Variants in CREB3L2 observed in about 807,000 individuals in gnomAD.
The protein encoded by CREB3L2 is cyclic AMP-responsive element-binding protein 3-like protein 2.
A neutral mutation model predicts 57.2 loss-of-function variants in CREB3L2; 23 were observed. The observed-to-expected ratio is 0.40, with a 90% CI of 0.29 to 0.57. The LOEUF is 0.57. CREB3L2 is among the 20% of genes least tolerant of loss of function. The pLI, the probability that CREB3L2 is intolerant of heterozygous loss-of-function variation, is 0.42. For missense variants in CREB3L2, 628 were observed against 634.7 expected, an observed-to-expected ratio of 0.99 and a Z score of 0.11; for synonymous variants, 268 against 265.1, an observed-to-expected ratio of 1.01 and a Z score of -0.11.
In CREB3L2 at chr7:137,929,077, T is replaced by A. The variant is rs185864225; in HGVS notation, c.103-711A>T. Among the ~76,000 whole-genome samples the A allele has an allele frequency of 6.2e-4, 94 of 152,294 alleles. 1 individual carries two copies. Among genetic ancestry groups the A allele is most frequent in the South Asian group, 1.0e-3 (5 of 4,826 alleles). ...AACATTAGAGGTGGCTTCTCTCTAG[T>A]CTCCCCATGGGCTAGACTTTGTTCC... is the stretch of plus-strand genomic sequence containing the variant. On this transcript the variant is annotated intron_variant, in intron 1 of 11. Transcript: ENST00000330387.
At chr7:137,975,890 A>C (rs1801599563) in intron 1 of CREB3L2, among the ~76,000 whole-genome samples, 1 of 152,226 alleles carries the variant, frequency 6.6e-6, no homozygotes, top group East Asian at 1.9e-4. Context: ...TGACCTTAGA[A>C]TCATTCCACC....
intron 1 of CREB3L2, among the ~76,000 whole-genome samples, chr7:137,945,114 C>T (rs1800947711): frequency 2.0e-5 from 3 of 152,116 alleles, no homozygotes; most frequent in Admixed American, 1.3e-4. Context: ...AGGCTGGTCT[C>T]CAGCTTCTGA....
intron 11 of CREB3L2, among the ~76,000 whole-genome samples, chr7:137,881,446 T>C (rs568575366): frequency 6.6e-6 from 1 of 152,320 alleles, no homozygotes; most frequent in Admixed American, 6.5e-5. Context: ...CTGAAATCTA[T>C]AACACTTCTG....
At chr7:137,969,340 C>CTTTTTTTTTTTTTTTTTTTTTTTTTTT (rs71177936) in intron 1 of CREB3L2, among the ~76,000 whole-genome samples, 1 of 77,070 alleles carries the variant, frequency 1.3e-5, no homozygotes, top group African/African-American at 5.5e-5. Flanking sequence ...TTATGATCTT[C>CTTTTTTTTTTTTTTTTTTTTTTTTTTT]TTTTTTTTTT....
chr7:137,971,167 G>A (rs1254643575), intron 1 of CREB3L2, among the ~76,000 whole-genome samples: 1 of 151,958 alleles, frequency 6.6e-6, no homozygotes, highest in East Asian at 1.9e-4. Context: ...AAAAAAAACT[G>A]GGGCCAGGCG....
chr7:137,884,648 A>C lies in CREB3L2; in HGVS notation c.1270+347T>G, dbSNP rs547362493. 2.7e-4 allele frequency: 155 copies of C among 571,374 alleles called. 4 individuals carry two copies. In the South Asian group the frequency reaches 3.2e-3, roughly 12 times the overall value. The allele number at this position is 571,374 out of a possible 1,614,324, so 35.4% of individuals were successfully genotyped here. A position where few individuals can be genotyped will look rare whatever the true frequency, so the allele number is the denominator to read the frequency against. On this transcript the variant is annotated intron_variant, in intron 10 of 11. Transcript: ENST00000330387. ...CACTCAGTGGAGGCAGAAACACAGC[A>C]GTTCTCTTAAAACGTCACAGAAAGC...
rs745352370 is a variant in CREB3L2 at position 137,876,825 on chromosome 7, G to A, written c.*3651C>T. The A allele has an allele frequency of 3.0e-5, 7 of 232,344 alleles. No individual in the cohort carries two copies. The highest frequency in any genetic ancestry group is 5.1e-5 in the Non-Finnish European group (6 of 117,482). 14.4% of individuals were successfully genotyped at this position (232,344 alleles called of 1,614,324 possible). On this transcript the variant is annotated 3_prime_UTR_variant, in exon 12 of 12. Transcript: ENST00000330387. The stretch of plus-strand genomic sequence containing the variant: ...GTGACTTGGGGCAGAGGAAGGGGAG[G>A]ATGAAGGTCTTCTAGTGCATCTCTG...
At chr7:137,993,153 C>T (rs1441468527) in intron 1 of CREB3L2, among the ~76,000 whole-genome samples, 2 of 152,192 alleles carry the variant, frequency 1.3e-5, no homozygotes, top group Non-Finnish European at 2.9e-5. Context: ...AAGGTTGGGA[C>T]ACCTTGTTCT....
intron 1 of CREB3L2, among the ~76,000 whole-genome samples, chr7:137,973,105 C>T (rs987725033): frequency 2.7e-5 from 4 of 149,378 alleles, no homozygotes; most frequent in East Asian, 2.0e-4. Flanking sequence ...CGCACCAGCA[C>T]GGCACATGTA....
Position 137,877,089 on chromosome 7 carries a change from C to T in CREB3L2, c.*3387G>A, listed in dbSNP as rs1799171395. On this transcript the variant is annotated 3_prime_UTR_variant, in exon 12 of 12. Transcript: ENST00000330387. Reference sequence around the variant, plus strand: ...AACACTTATGAAAAAATGCTGGACACTTGACTCACTGCCAGAACAAAGAAG... The same window carrying T: ...AACACTTATGAAAAAATGCTGGACATTTGACTCACTGCCAGAACAAAGAAG... 3 of 228,334 alleles carry T rather than the reference C, an allele frequency of 1.3e-5. No individual in the cohort carries two copies. The South Asian group carries it at 5.5e-4, about 42-fold the overall frequency. 14.1% of individuals were successfully genotyped at this position (228,334 alleles called of 1,614,324 possible).
At chr7:137,905,627 G>A in intron 6 of CREB3L2, 75 bp downstream of exon 6, 2 of 1,511,178 alleles carry the variant, frequency 1.3e-6, no homozygotes, top group Middle Eastern at 1.7e-4. Context: ...CTGGCCGTTG[G>A]GAAGGCAGGG....
chr7:137,962,274 G>A (rs1247697425), intron 1 of CREB3L2, among the ~76,000 whole-genome samples: 2 of 152,094 alleles, frequency 1.3e-5, no homozygotes, highest in Non-Finnish European at 2.9e-5. Context: ...AGATGGCCAT[G>A]GCTCTGACTT....
chr7:137,995,333 C>CTTTCTTTTTTT (rs774300936), intron 1 of CREB3L2, among the ~76,000 whole-genome samples: 5 of 87,430 alleles, frequency 5.7e-5, no homozygotes, highest in African/African-American at 9.4e-5. Context: ...TCTTTTCTTT[C>CTTTCTTTTTTT]TTTTTTTTTT....
At chr7:137,945,066 T>C (rs1585648295) in intron 1 of CREB3L2, among the ~76,000 whole-genome samples, 1 of 151,886 alleles carries the variant, frequency 6.6e-6, no homozygotes, top group African/African-American at 2.4e-5. Context: ...CTAATTTTTG[T>C]ATTTTTAGTA....
At chr7:137,896,277 G>C (rs1195197778) in intron 8 of CREB3L2, among the ~76,000 whole-genome samples, 1 of 152,176 alleles carries the variant, frequency 6.6e-6, no homozygotes, top group African/African-American at 2.4e-5. Flanking sequence ...TCCCTCTCAA[G>C]CCAAAATACA....
At chr7:137,956,601 C>T in intron 1 of CREB3L2, 4 of 1,289,062 alleles carry the variant, frequency 3.1e-6, no homozygotes, top group Non-Finnish European at 4.0e-6. Context: ...CAATCCTTCA[C>T]ACGGACAGCC....
chr7:137,891,110 T>C (rs1394471333), intron 8 of CREB3L2, among the ~76,000 whole-genome samples: 1 of 152,208 alleles, frequency 6.6e-6, no homozygotes, highest in Non-Finnish European at 1.5e-5. Flanking sequence ...TAAATTGGAG[T>C]GTCCAACACT....
chr7:137,994,161 A>T (rs571206084), intron 1 of CREB3L2, among the ~76,000 whole-genome samples: 1 of 152,304 alleles, frequency 6.6e-6, no homozygotes, highest in African/African-American at 2.4e-5. Flanking sequence ...GACAATTCAG[A>T]TGCCCTGCAA....
intron 1 of CREB3L2, among the ~76,000 whole-genome samples, chr7:137,930,603 C>G (rs1338680204): frequency 6.6e-6 from 1 of 152,068 alleles, no homozygotes; most frequent in Non-Finnish European, 1.5e-5. Context: ...AGGCTCAGTC[C>G]CTAAAGAGTT....
Sources: allele counts gnomAD v4.1 joint callset (sites outside exome capture counted in the v4.1 genomes callset), GRCh38; gene constraint gnomAD v4.1.1; transcripts MANE v1.5; gene names NCBI Gene and HGNC (gene_info 2026-07-23, HGNC 2026-07-21).